The following TGFA variants were observed in gnomAD, a reference collection of about 807,000 sequenced individuals.
TGFA encodes transforming growth factor alpha.
TGFA carries 12 observed loss-of-function variants against 21.7 expected under a neutral mutation model. The ratio of observed to expected loss-of-function variants is 0.55; its 90% CI spans 0.35 to 0.90. TGFA has a LOEUF of 0.90. TGFA is among the 40% of genes least tolerant of loss of function. The pLI, the probability that TGFA is intolerant of heterozygous loss-of-function variation, is 0.01. For synonymous variants in TGFA, 79 were observed against 88.1 expected, an observed-to-expected ratio of 0.90 and a Z score of 0.58; for missense variants, 178 against 210.8, an observed-to-expected ratio of 0.84 and a Z score of 0.96.
In TGFA at chr2:70,540,034, C is replaced by T. The variant is rs116458277; in HGVS notation, c.40+13694G>A. ...CCAATTCTTATAAAACACTAAGTTC[C>T]AGAAACAATAGGAGAGAGGATAAGC... On this transcript the variant is annotated intron_variant, in intron 1 of 5. Transcript: ENST00000295400. 9.0e-3 allele frequency among the ~76,000 whole-genome samples: 1,372 copies of T among 152,244 alleles called. 18 individuals carry two copies. Among genetic ancestry groups the T allele is most frequent in the African/African-American group, 0.032 (1,313 of 41,536 alleles).
intron 5 of TGFA, among the ~76,000 whole-genome samples, chr2:70,451,083 A>G (rs1157918047): frequency 6.6e-6 from 1 of 152,102 alleles, no homozygotes; most frequent in Non-Finnish European, 1.5e-5. Flanking sequence ...GACTGATTGA[A>G]AGTGAGTGAG....
chr2:70,455,518 T>C (rs1476229294), intron 4 of TGFA, among the ~76,000 whole-genome samples: 1 of 152,196 alleles, frequency 6.6e-6, no homozygotes, highest in Non-Finnish European at 1.5e-5. Flanking sequence ...TGTGACTTCT[T>C]TGTGCATATC....
chr2:70,450,820 T>C lies in TGFA; in HGVS notation c.*39A>G. 6.2e-7 allele frequency: 1 copy of C among 1,606,488 alleles called. No individual in the cohort carries two copies. The highest frequency in any genetic ancestry group is 1.1e-5 in the South Asian group (1 of 89,392). The stretch of plus-strand genomic sequence containing the variant: ...CTGAAGAAGCCTTTCTTTATTGATC[T>C]GCCACAGTCCACCTGGCCAAACTCC... On this transcript the variant is annotated 3_prime_UTR_variant, in exon 6 of 6. Transcript: ENST00000295400.
chr2:70,489,108 C>T (rs1389715256), intron 2 of TGFA, among the ~76,000 whole-genome samples: 2 of 152,188 alleles, frequency 1.3e-5, no homozygotes, highest in Admixed American at 1.3e-4. Context: ...TGGCCAAGTC[C>T]TTCCCATCCC....
rs187853815 is a variant in TGFA, at chr2:70,466,244, C to T, written c.95-508G>A. 2.6e-5 allele frequency among the ~76,000 whole-genome samples: 4 copies of T among 152,356 alleles called. No homozygotes were observed. In the East Asian group the frequency reaches 5.8e-4, roughly 22 times the overall value. On this transcript the variant is annotated intron_variant, in intron 2 of 5. Coordinates refer to ENST00000295400, the MANE Select transcript of TGFA (RefSeq NM_003236.4). Reference sequence around the variant, plus strand: ...CAGTATTGTCTGTATAGCGGTGGCTCACGCCTGTAATCCCAGCACTCTGGG... The same window carrying T: ...CAGTATTGTCTGTATAGCGGTGGCTTACGCCTGTAATCCCAGCACTCTGGG...
At chr2:70,514,423 A>AT (rs11354380) in intron 2 of TGFA, among the ~76,000 whole-genome samples, 2,873 of 144,006 alleles carry the variant, frequency 0.02, 29 homozygotes, top group Non-Finnish European at 0.024. Flanking sequence ...AAAAATACCG[A>AT]TTTTTTTTTT....
chr2:70,522,096 C>T (rs956630257), intron 1 of TGFA, among the ~76,000 whole-genome samples: 80 of 152,234 alleles, frequency 5.3e-4, no homozygotes, highest in Admixed American at 2.6e-3. Flanking sequence ...TTACCTGTCT[C>T]TCCTCTCTAG....
chr2:70,466,263 C>T (rs534934215), intron 2 of TGFA, among the ~76,000 whole-genome samples: 1 of 152,348 alleles, frequency 6.6e-6, no homozygotes, highest in East Asian at 1.9e-4. Flanking sequence ...AATCCCAGCA[C>T]TCTGGGAGGC....
rs1384294457 is a variant in TGFA at position 70,471,105 on chromosome 2, C to T, written c.95-5369G>A. 2.1e-5 allele frequency among the ~76,000 whole-genome samples: 3 copies of T among 140,932 alleles called. No homozygotes were observed. In the East Asian group the frequency reaches 6.1e-4, roughly 29 times the overall value. The allele number at this position is 140,932 out of a possible 152,430, so 92.5% of individuals were successfully genotyped here. On this transcript the variant is annotated intron_variant, in intron 2 of 5. Coordinates refer to ENST00000295400, the MANE Select transcript of TGFA (RefSeq NM_003236.4). The stretch of plus-strand genomic sequence containing the variant: ...TATTCTGTTACGTGCATTCTCCTCC[C>T]CGCACCCCCCCCACCATATAACCAA...
intron 1 of TGFA, among the ~76,000 whole-genome samples, chr2:70,529,452 G>A (rs143450936): frequency 1.0e-3 from 153 of 152,242 alleles, no homozygotes; most frequent in East Asian, 1.4e-3. Context: ...TTTTCATCAC[G>A]GATGCGTGTA....
In TGFA at chr2:70,451,725, T is replaced by G. The variant is rs1553489631; in HGVS notation, c.476-859A>C. 5.8e-6 allele frequency: 4 copies of G among 691,532 alleles called. No individual in the cohort carries two copies. The South Asian group carries it at 6.1e-5, about 10-fold the overall frequency. The allele number at this position is 691,532 out of a possible 1,614,324, so 42.8% of individuals were successfully genotyped here. Reference sequence around the variant, plus strand: ...GTGCTAAAAGAAAAAATAAAAATATTTACCTTCATTAGCTCAATAGATTAG... The same window carrying G: ...GTGCTAAAAGAAAAAATAAAAATATGTACCTTCATTAGCTCAATAGATTAG... On this transcript the variant is annotated intron_variant, in intron 5 of 5. Transcript: ENST00000295400.
intron 2 of TGFA, among the ~76,000 whole-genome samples, chr2:70,485,109 A>G (rs3771503): frequency 0.47 from 70,884 of 152,028 alleles, 16,721 homozygotes; most frequent in East Asian, 0.58. Context: ...CCCCAAAGTG[A>G]GCTATAAATC....
chr2:70,516,825 A>T (rs782567271), intron 1 of TGFA, among the ~76,000 whole-genome samples: 1 of 152,126 alleles, frequency 6.6e-6, no homozygotes, highest in South Asian at 2.1e-4. Flanking sequence ...GACACCGGGG[A>T]TGCTTTGCAT....
intron 1 of TGFA, among the ~76,000 whole-genome samples, chr2:70,551,064 TAAC>T (rs142822619): frequency 5.2e-5 from 5 of 95,276 alleles, no homozygotes; most frequent in African/African-American, 1.4e-4. Context: ...GGGCCCAAAG[TAAC>T]AACAACAATG....
At chr2:70,471,441 C>T (rs77116067) in intron 2 of TGFA, among the ~76,000 whole-genome samples, 4,297 of 152,322 alleles carry the variant, frequency 0.028, 71 homozygotes, top group Non-Finnish European at 0.042. Context: ...GGGGCTTGTG[C>T]GCCCCTAGGG....
chr2:70,457,354 A>G (rs1178882474), intron 3 of TGFA, among the ~76,000 whole-genome samples: 2 of 151,904 alleles, frequency 1.3e-5, no homozygotes, highest in Non-Finnish European at 2.9e-5. Context: ...TAAGGATGGG[A>G]TGGTCATTTT....
At chr2:70,518,238 A>G (rs1012893515) in intron 1 of TGFA, among the ~76,000 whole-genome samples, 8 of 152,130 alleles carry the variant, frequency 5.3e-5, no homozygotes, top group South Asian at 2.1e-4. Context: ...CTGGCATCCT[A>G]TTTCTGTTTA....
chr2:70,505,690 AAAC>A (rs1425674595), intron 2 of TGFA, among the ~76,000 whole-genome samples: 1 of 152,168 alleles, frequency 6.6e-6, no homozygotes, highest in Non-Finnish European at 1.5e-5. Flanking sequence ...AGGAAAAAAA[AAAC>A]AAAAAACTTT....
chr2:70,540,853 A>C (rs1553505123), intron 1 of TGFA, among the ~76,000 whole-genome samples: 2 of 152,210 alleles, frequency 1.3e-5, no homozygotes, highest in African/African-American at 4.8e-5. Context: ...GGATACAAAC[A>C]GGTAACTCAC....
Sources: allele counts gnomAD v4.1 joint callset (sites outside exome capture counted in the v4.1 genomes callset), GRCh38; gene constraint gnomAD v4.1.1; transcripts MANE v1.5; gene names NCBI Gene and HGNC (gene_info 2026-07-23, HGNC 2026-07-21).